Variants in DNAH2 observed in about 807,000 individuals in gnomAD.
DNAH2 encodes the protein dynein axonemal heavy chain 2.
DNAH2 carries 323 observed loss-of-function variants against 523.5 expected under a neutral mutation model. The ratio of observed to expected loss-of-function variants is 0.62; its 90% confidence interval spans 0.56 to 0.68. DNAH2 has a LOEUF of 0.68. Ranked by LOEUF, DNAH2 falls within the 30% of genes least tolerant of loss-of-function variation. The pLI is 0.00. For missense variants in DNAH2, 4,907 were observed against 5,701.5 expected, an observed-to-expected ratio of 0.86 and a Z score of 4.49; for synonymous variants, 2,093 against 2,177.4, an observed-to-expected ratio of 0.96 and a Z score of 1.08.
At chr17:7,797,295 T>C (rs2077092670) in intron 51 of DNAH2, 34 bp downstream of exon 51, 2 of 1,613,102 alleles carry the variant, frequency 1.2e-6, no homozygotes, top group Non-Finnish European at 1.7e-6. Context: ...AACGAAGGCT[T>C]CCTCAGCCTT....
At chr17:7,799,334 A>G in intron 56 of DNAH2, 92 bp downstream of exon 56, 1 of 1,533,830 alleles carries the variant, frequency 6.5e-7, no homozygotes, top group Non-Finnish European at 8.9e-7. Flanking sequence ...AGTGTCAGGA[A>G]TAACAGCAGG....
At chr17:7,734,354 T>G in intron 6 of DNAH2, 61 bp downstream of exon 6, 1 of 1,603,704 alleles carries the variant, frequency 6.2e-7, no homozygotes, top group Non-Finnish European at 8.5e-7. Flanking sequence ...AAGGGGAGGC[T>G]CGGATGCTGA....
At chr17:7,781,244 G>A (rs112984665) in intron 39 of DNAH2, 77 bp downstream of exon 39, 1 of 1,539,860 alleles carries the variant, frequency 6.5e-7, no homozygotes, top group African/African-American at 1.4e-5. Flanking sequence ...GGAGGCCGAG[G>A]TGGGCAGACT....
intron 70 of DNAH2, 59 bp from the exon 71 acceptor site, chr17:7,818,860 T>A: frequency 6.2e-7 from 1 of 1,607,280 alleles, no homozygotes; most frequent in Non-Finnish European, 8.5e-7. Flanking sequence ...CACAACAGCA[T>A]CCCAGGGAGC....
chr17:7,824,741 G>A lies in DNAH2; in HGVS notation c.11853+14G>A. 6.6e-7 allele frequency: 1 copy of A among 1,513,934 alleles called. No individual in the cohort carries two copies. Among genetic ancestry groups the A allele is most frequent in the South Asian group, 1.3e-5 (1 of 79,346 alleles). 93.8% of individuals were successfully genotyped at this position (1,513,934 alleles called of 1,614,324 possible). A position where few individuals can be genotyped will look rare whatever the true frequency, so the allele number is the denominator to read the frequency against. ...GAGCCACCAAAGGTATGTGGCCATAGAGAACCAGCATCATCAGGGCCATCT... is the reference window on the plus strand; with the variant it reads ...GAGCCACCAAAGGTATGTGGCCATAAAGAACCAGCATCATCAGGGCCATCT... On this transcript the variant is annotated intron_variant, in intron 77 of 85. Coordinates refer to ENST00000572933, the MANE Select transcript of DNAH2 (RefSeq NM_020877.5).
Position 7,797,223 on chromosome 17 carries a change from G to C in DNAH2, c.7911G>C (p.Lys2637Asn). 2 of 1,613,768 alleles carry C rather than the reference G, an allele frequency of 1.2e-6. No homozygotes were observed. The highest frequency in any genetic ancestry group is 4.5e-5 in the East Asian group (2 of 44,832). Residue 2637 changes from lysine (K) to asparagine (N), a missense_variant, in exon 51 of 86, where the codon AAG (lysine) becomes AAC (asparagine). By Grantham distance (94) the Lys-to-Asn change is moderately conservative. Transcript: ENST00000572933. The part of the protein sequence containing the change: ...LRANKDFHDT[K>N]SSITRLWIHE... ...CCAACAAGGACTTCCATGATACCAA[G>C]TCCAGCATCACACGGCTCTGGATCC... is the stretch of plus-strand genomic sequence containing the variant.
intron 7 of DNAH2, among the ~76,000 whole-genome samples, chr17:7,734,938 G>A (rs561342879): frequency 1.3e-5 from 2 of 151,848 alleles, no homozygotes; most frequent in South Asian, 4.2e-4. Context: ...CCTTCTGTGA[G>A]CACAACCCCT....
intron 12 of DNAH2, among the ~76,000 whole-genome samples, chr17:7,751,348 C>T (rs957860302): frequency 6.6e-6 from 1 of 152,124 alleles, no homozygotes; most frequent in Admixed American, 6.5e-5. Flanking sequence ...CCACCTTGGC[C>T]TTCTAAAATG....
intron 77 of DNAH2, among the ~76,000 whole-genome samples, chr17:7,825,439 C>T (rs1934977425): frequency 6.6e-6 from 1 of 152,214 alleles, no homozygotes; most frequent in Non-Finnish European, 1.5e-5. Context: ...GGGTGCCTTT[C>T]ATCATTATTA....
At chr17:7,741,296 T>TTCTTC (rs1567624948) in intron 11 of DNAH2, among the ~76,000 whole-genome samples, 114 of 41,856 alleles carry the variant, frequency 2.7e-3, no homozygotes, top group East Asian at 7.4e-3. Flanking sequence ...CTTTCTTTCT[T>TTCTTC]CCTTCCTTCC....
Position 7,830,723 on chromosome 17 carries a change from G to A in DNAH2, c.12111G>A (p.Lys4037=). 6.2e-7 allele frequency: 1 copy of A among 1,614,204 alleles called. No homozygotes were observed. The highest frequency in any genetic ancestry group is 1.3e-5 in the African/African-American group (1 of 75,052). The change falls in exon 79 of 86, where the codon AAG becomes AAA. Residue 4037 remains lysine (K), a synonymous_variant. Coordinates refer to ENST00000572933, the MANE Select transcript of DNAH2 (RefSeq NM_020877.5). The stretch of plus-strand genomic sequence containing the variant: ...AGGAGACACCTTGGGACGCACTTAA[G>A]TACCTCATTGCCGGCATCAACTATG... ...EYEETPWDAL[K]YLIAGINYGG...
intron 72 of DNAH2, 96 bp downstream of exon 72, chr17:7,819,504 C>A: frequency 7.5e-7 from 1 of 1,326,380 alleles, no homozygotes; most frequent in Non-Finnish European, 1.1e-6. Context: ...CCGCGGCTCT[C>A]AGCCTGCCGC....
intron 22 of DNAH2, among the ~76,000 whole-genome samples, chr17:7,767,191 G>A (rs1367445196): frequency 6.7e-6 from 1 of 149,076 alleles, no homozygotes; most frequent in Non-Finnish European, 1.5e-5. Context: ...ATGATAATAC[G>A]TGGCCTTTTT....
intron 52 of DNAH2, 46 bp downstream of exon 52, chr17:7,797,576 A>G (rs773803894): frequency 6.2e-7 from 1 of 1,614,066 alleles, no homozygotes; most frequent in Admixed American, 1.7e-5. Context: ...CTCTTAGAAC[A>G]TCGGGGCTAG....
chr17:7,816,513 C>G, intron 63 of DNAH2, 58 bp from the exon 64 acceptor site: 1 of 1,595,640 alleles, frequency 6.3e-7, no homozygotes, highest in Non-Finnish European at 8.6e-7. Flanking sequence ...ATGATGTGAA[C>G]AAGAACAATC....
intron 12 of DNAH2, among the ~76,000 whole-genome samples, chr17:7,753,536 G>A (rs1437682795): frequency 6.6e-6 from 1 of 152,148 alleles, no homozygotes; most frequent in African/African-American, 2.4e-5. Context: ...TATTTACATG[G>A]GACACTGGAG....
intron 3 of DNAH2, among the ~76,000 whole-genome samples, chr17:7,726,711 T>C (rs8077734): frequency 0.023 from 3,431 of 152,224 alleles, 110 homozygotes; most frequent in African/African-American, 0.073. Flanking sequence ...CGTGAAGAAA[T>C]TGCTCCTATA....
chr17:7,820,651 T>C (rs1193624763), intron 72 of DNAH2, among the ~76,000 whole-genome samples: 1 of 152,238 alleles, frequency 6.6e-6, no homozygotes, highest in Admixed American at 6.5e-5. Flanking sequence ...GACTGTGGCT[T>C]ATTCATCTTT....
At chr17:7,788,062 G>C in intron 43 of DNAH2, 24 bp from the exon 44 acceptor site, 5 of 1,613,854 alleles carry the variant, frequency 3.1e-6, no homozygotes, top group Non-Finnish European at 4.2e-6. Context: ...GGTGAATGAA[G>C]AGCCCCTTCT....
Sources: allele counts gnomAD v4.1 joint callset (sites outside exome capture counted in the v4.1 genomes callset), GRCh38; gene constraint gnomAD v4.1.1; transcripts MANE v1.5; gene names NCBI Gene and HGNC (gene_info 2026-07-23, HGNC 2026-07-21).